The following CD99L2 variants were observed in gnomAD, a reference collection of about 807,000 sequenced individuals.
CD99L2 encodes the protein CD99 molecule like 2, also known as CD99 antigen-like protein 2.
A neutral mutation model predicts 27.3 loss-of-function variants in CD99L2; 24 were observed. The observed-to-expected ratio is 0.88, with a 90% CI of 0.64 to 1.24. The LOEUF (loss-of-function observed/expected upper bound fraction) is 1.24, where lower values mean the gene tolerates loss of function less well. Among genes scored for constraint, CD99L2 ranks in the 50% most tolerant of loss-of-function variants. The pLI, the probability that CD99L2 is intolerant of heterozygous loss-of-function variation, is 0.00. For missense variants in CD99L2, 255 were observed against 221.6 expected (o/e 1.15, Z -0.96); for synonymous variants, 97 against 87.9 (o/e 1.10, Z -0.58).
At chrX:150,777,240 A>G (rs2043572646) in intron 8 of CD99L2, 2 of 458,021 alleles carry the variant, frequency 4.4e-6, no homozygotes, top group Admixed American at 7.9e-5. Context: ...TGAGGCCCAT[A>G]AGAAATTTCT....
chrX:150,808,638 C>A (rs1486250035), intron 4 of CD99L2, among the ~76,000 whole-genome samples: 3 of 112,220 alleles, frequency 2.7e-5, no homozygotes, highest in African/African-American at 9.7e-5. Flanking sequence ...CTGCTGTGAT[C>A]AGATTATGAC....
chrX:150,815,859 T>C, intron 3 of CD99L2, 148 bp downstream of exon 3: 1 of 582,415 alleles, frequency 1.7e-6, no homozygotes. Flanking sequence ...TGCACTCTAT[T>C]ATAAAGTTAA....
chrX:150,782,687 G>A (rs782656990), intron 7 of CD99L2, among the ~76,000 whole-genome samples: 1 of 111,751 alleles, frequency 8.9e-6, no homozygotes, highest in South Asian at 3.8e-4. Context: ...TACATGTTAT[G>A]AAAGCTGAAA....
In CD99L2 at chrX:150,898,543, A is replaced by C; in HGVS notation, c.46T>G (p.Leu16Val). ...TTACCTCGCTGGACCAGGGTGGCCA[A>C]GGAGAAAGCGAGGCAGACAAGGAAC... ...SAFLVCLAFSLATLVQRGSGD... is the reference protein window; with the variant it reads ...SAFLVCLAFSVATLVQRGSGD... Residue 16 changes from leucine (L) to valine (V), a missense_variant, in exon 1 of 11, where the codon TTG becomes GTG. Physicochemically the swap from Leu to Val is conservative, Grantham distance 32. Coordinates refer to ENST00000370377, the MANE Select transcript of CD99L2 (RefSeq NM_031462.4). 1 of 1,114,245 alleles carries C rather than the reference A, an allele frequency of 9.0e-7. No individual in the cohort carries two copies. The highest frequency in any genetic ancestry group is 1.2e-6 in the Non-Finnish European group (1 of 849,204). 91.8% of individuals were successfully genotyped at this position (1,114,245 alleles called of 1,213,427 possible).
chrX:150,803,278 AAAG>A (rs1392236402), intron 4 of CD99L2, among the ~76,000 whole-genome samples: 3 of 112,004 alleles, frequency 2.7e-5, no homozygotes, highest in Admixed American at 9.5e-5. Context: ...AAAAGACATC[AAAG>A]AAGACATAAA....
intron 2 of CD99L2, among the ~76,000 whole-genome samples, chrX:150,819,940 TAATCTC>T (rs2046220774): frequency 9.0e-6 from 1 of 111,502 alleles, no homozygotes; most frequent in South Asian, 3.7e-4. Flanking sequence ...CAACACCAAT[TAATCTC>T]AAACTCTTCA....
intron 1 of CD99L2, among the ~76,000 whole-genome samples, chrX:150,875,674 C>G (rs1267992380): frequency 1.8e-5 from 2 of 112,076 alleles, no homozygotes; most frequent in Non-Finnish European, 3.8e-5. Flanking sequence ...CTTGAATTCC[C>G]ATGTGATGTG....
Position 150,898,657 on chromosome X carries a change from G to A in CD99L2, c.-69C>T, listed in dbSNP as rs1557423163. 2 of 947,784 alleles carry A rather than the reference G, an allele frequency of 2.1e-6. No homozygotes were observed. The highest frequency in any genetic ancestry group is 4.7e-5 in the Admixed American group (1 of 21,347). The allele number at this position is 947,784 out of a possible 1,213,427, so 78.1% of individuals were successfully genotyped here. A position where few individuals can be genotyped will look rare whatever the true frequency, so the allele number is the denominator to read the frequency against. ...GAGAGCGCCCGAAGGGGAGGCCGAG[G>A]AGGAGCGGGAGGAGGAGCCCCGCCG... On this transcript the variant is annotated 5_prime_UTR_variant, in exon 1 of 11. Coordinates refer to ENST00000370377, the MANE Select transcript of CD99L2 (RefSeq NM_031462.4).
At chrX:150,885,673 A>C in intron 1 of CD99L2, among the ~76,000 whole-genome samples, 1 of 112,142 alleles carries the variant, frequency 8.9e-6, no homozygotes, top group Middle Eastern at 4.7e-3. Flanking sequence ...GTCAGACTTT[A>C]TTACAATTTT....
chrX:150,806,706 C>A (rs1463667322), intron 4 of CD99L2, among the ~76,000 whole-genome samples: 1 of 110,925 alleles, frequency 9.0e-6, no homozygotes, highest in East Asian at 2.8e-4. Context: ...GCCTGGCCAA[C>A]ATGGTGAAAA....
chrX:150,816,129 C>CA (rs782473317), intron 2 of CD99L2, 51 bp from the exon 3 acceptor site: 2 of 1,118,862 alleles, frequency 1.8e-6, no homozygotes, highest in East Asian at 6.0e-5. Context: ...TAACAAAACA[C>CA]AGCAGCTACT....
chrX:150,864,935 G>T (rs782411418), intron 1 of CD99L2, among the ~76,000 whole-genome samples: 5 of 110,369 alleles, frequency 4.5e-5, no homozygotes, highest in Non-Finnish European at 5.7e-5. Context: ...ATGTGGTGGT[G>T]CACACCTGTG....
chrX:150,793,652 C>G (rs782030612), intron 7 of CD99L2, 39 bp downstream of exon 7: 5 of 1,087,422 alleles, frequency 4.6e-6, no homozygotes, highest in Non-Finnish European at 4.9e-6. Context: ...CCTTTTTCAC[C>G]AGAATAAGGG....
intron 9 of CD99L2, among the ~76,000 whole-genome samples, chrX:150,770,926 G>C (rs889558938): frequency 5.3e-5 from 6 of 112,837 alleles, no homozygotes; most frequent in Non-Finnish European, 9.4e-5. Flanking sequence ...CCTGAGCTTG[G>C]AGGGGCCAGC....
intron 4 of CD99L2, among the ~76,000 whole-genome samples, chrX:150,804,655 G>A (rs1479523764): frequency 4.5e-5 from 5 of 111,096 alleles, no homozygotes; most frequent in African/African-American, 1.3e-4. Context: ...AACAAAAGAT[G>A]GTTTTTGAAA....
Position 150,793,681 on chromosome X carries a change from AT to A in CD99L2, c.496+9del. Reference sequence around the variant, plus strand: ...ATAAGGGTTGTGTTGGCACAAATCAATGCTCCTACCTTTACCCTTGTCAGGT... The same window carrying A: ...ATAAGGGTTGTGTTGGCACAAATCAAGCTCCTACCTTTACCCTTGTCAGGT... On this transcript the variant is annotated intron_variant, in intron 7 of 10. Coordinates refer to ENST00000370377, the MANE Select transcript of CD99L2 (RefSeq NM_031462.4). The A allele has an allele frequency of 8.5e-7, 1 of 1,179,671 alleles. No individual in the cohort carries two copies. The highest frequency in any genetic ancestry group is 1.1e-6 in the Non-Finnish European group (1 of 879,540).
chrX:150,887,956 C>T (rs1398924309), intron 1 of CD99L2, among the ~76,000 whole-genome samples: 5 of 112,204 alleles, frequency 4.5e-5, no homozygotes, highest in South Asian at 3.7e-4. Flanking sequence ...AACTGGGATA[C>T]GCTCCAGGGA....
chrX:150,816,642 T>C (rs1325827162), intron 2 of CD99L2, among the ~76,000 whole-genome samples: 2 of 111,042 alleles, frequency 1.8e-5, no homozygotes, highest in African/African-American at 6.6e-5. Flanking sequence ...AGTGTGGCGA[T>C]TCCTCAGGGA....
chrX:150,793,891 G>GT (rs1444766698), intron 6 of CD99L2, 135 bp from the exon 7 acceptor site: 4 of 469,195 alleles, frequency 8.5e-6, no homozygotes, highest in Admixed American at 9.2e-5. Context: ...ATTCTAAGAG[G>GT]TCCCCCCAGA....
Sources: allele counts gnomAD v4.1 joint callset (sites outside exome capture counted in the v4.1 genomes callset), GRCh38; gene constraint gnomAD v4.1.1; transcripts MANE v1.5; gene names NCBI Gene and HGNC (gene_info 2026-07-23, HGNC 2026-07-21).